ANK3: variants seen among roughly 807,000 people sequenced by gnomAD.
The protein encoded by ANK3 is ankyrin-3.
A neutral mutation model predicts 370.9 loss-of-function variants in ANK3; 57 were observed. The observed-to-expected ratio is 0.15, with a 90% CI of 0.12 to 0.19. The LOEUF is 0.19. Among genes scored for constraint, ANK3 ranks in the 10% least tolerant of loss-of-function variants. The probability of loss-of-function intolerance (pLI) is 1.00; values close to 1 mark genes in which losing one functional copy is unlikely to be tolerated. For missense variants in ANK3, 4,439 were observed against 5,302.1 expected (o/e 0.84, Z 5.06); for synonymous variants, 1,929 against 1,946.3 (o/e 0.99, Z 0.23).
At chr10:60,343,401 G>A (rs1364068749) in intron 1 of ANK3, among the ~76,000 whole-genome samples, 1 of 152,046 alleles carries the variant, frequency 6.6e-6, no homozygotes, top group Non-Finnish European at 1.5e-5. Context: ...TAAAGACTTA[G>A]GAATTTAAAG....
intron 1 of ANK3, among the ~76,000 whole-genome samples, chr10:60,328,330 T>A (rs1393933452): frequency 2.0e-5 from 3 of 152,236 alleles, no homozygotes; most frequent in African/African-American, 7.2e-5. Context: ...GAGTTAAAAG[T>A]GTTATTGCTA....
chr10:60,592,019 A>G (rs569694927), intron 2 of ANK3, among the ~76,000 whole-genome samples: 1 of 152,346 alleles, frequency 6.6e-6, no homozygotes, highest in Admixed American at 6.5e-5. Context: ...TGATAGCACA[A>G]CAGGGTGACT....
intron 8 of ANK3, among the ~76,000 whole-genome samples, chr10:60,226,446 T>C (rs2097145584): frequency 8.7e-6 from 1 of 114,308 alleles, no homozygotes; most frequent in African/African-American, 3.4e-5. Flanking sequence ...TATAACATAC[T>C]ATAAAATATA....
At chr10:60,079,454 T>C (rs1234929067) in intron 36 of ANK3, among the ~76,000 whole-genome samples, 1 of 152,144 alleles carries the variant, frequency 6.6e-6, no homozygotes, top group Non-Finnish European at 1.5e-5. Flanking sequence ...CTCAACTAAG[T>C]GGTGCAGTAG....
intron 25 of ANK3, among the ~76,000 whole-genome samples, chr10:60,121,631 C>T (rs1345728605): frequency 1.3e-5 from 2 of 149,368 alleles, no homozygotes; most frequent in Admixed American, 6.7e-5. Context: ...GTGGAGGTTG[C>T]AGTGAGCCAA....
At chr10:60,036,276 G>A (rs977205269) in intron 43 of ANK3, among the ~76,000 whole-genome samples, 64 of 152,066 alleles carry the variant, frequency 4.2e-4, no homozygotes, top group African/African-American at 1.5e-3. Context: ...GGCTGCTGCT[G>A]CTTAGTCCAC....
rs571255075 is a variant in ANK3, at chr10:60,617,929, CT to C, written c.58-2706del. On this transcript the variant is annotated intron_variant, in intron 1 of 43. Transcript: ENST00000373827. ...TAATAGTAAACACAGATATTCTAGT[CT>C]TTTAACTGATTAAAAGAGCAAAGCT... Among the ~76,000 whole-genome samples, 28 of 152,278 alleles carry C rather than the reference CT, an allele frequency of 1.8e-4. No homozygotes were observed. The South Asian group carries it at 5.2e-3, about 28-fold the overall frequency.
chr10:60,251,469 G>C (rs529042935), intron 7 of ANK3, among the ~76,000 whole-genome samples: 1 of 152,264 alleles, frequency 6.6e-6, no homozygotes, highest in Non-Finnish European at 1.5e-5. Context: ...GTGTGAGACT[G>C]ACCCATGCAT....
intron 1 of ANK3, among the ~76,000 whole-genome samples, chr10:60,652,866 A>G (rs182844322): frequency 1.1e-4 from 17 of 152,284 alleles, no homozygotes; most frequent in African/African-American, 4.1e-4. Flanking sequence ...TAGAGACCAG[A>G]TAGGAGGTGG....
At chr10:60,178,669 A>G (rs767583626) in intron 18 of ANK3, among the ~76,000 whole-genome samples, 2 of 152,218 alleles carry the variant, frequency 1.3e-5, no homozygotes, top group African/African-American at 2.4e-5. Flanking sequence ...GAAATAGGTA[A>G]GTATCACATA....
At chr10:60,100,069 A>G (rs1456409173) in intron 28 of ANK3, among the ~76,000 whole-genome samples, 1 of 151,990 alleles carries the variant, frequency 6.6e-6, no homozygotes, top group Admixed American at 6.6e-5. Context: ...ATTAATGCTT[A>G]TTTGCTTTGT....
chr10:60,208,336 C>A, intron 9 of ANK3, 103 bp from the exon 10 acceptor site: 1 of 961,082 alleles, frequency 1.0e-6, no homozygotes, highest in Non-Finnish European at 1.6e-6. Context: ...CAGTTCTTCA[C>A]ATGAAAATAC....
chr10:60,410,369 G>A (rs2063534897), intron 2 of ANK3, among the ~76,000 whole-genome samples: 1 of 152,162 alleles, frequency 6.6e-6, no homozygotes, highest in Non-Finnish European at 1.5e-5. Context: ...AGCTCCATGG[G>A]GGGAAGGGGC....
intron 1 of ANK3, among the ~76,000 whole-genome samples, chr10:60,386,032 G>A (rs764896846): frequency 3.0e-4 from 46 of 152,280 alleles, no homozygotes; most frequent in African/African-American, 9.9e-4. Context: ...AAGAGAGCAC[G>A]TGTGACTTCA....
chr10:60,389,201 C>T (rs1172862646), intron 1 of ANK3, among the ~76,000 whole-genome samples: 5 of 152,190 alleles, frequency 3.3e-5, no homozygotes, highest in South Asian at 4.2e-4. Flanking sequence ...GCACACTTTC[C>T]GCATAGCCCT....
At chr10:60,407,155 G>T (rs2063472714) in intron 2 of ANK3, among the ~76,000 whole-genome samples, 1 of 152,046 alleles carries the variant, frequency 6.6e-6, no homozygotes, top group Non-Finnish European at 1.5e-5. Context: ...CAAACAAATT[G>T]GTTAACCCCT....
intron 41 of ANK3, among the ~76,000 whole-genome samples, chr10:60,057,812 G>A (rs980970355): frequency 2.6e-5 from 4 of 152,130 alleles, no homozygotes; most frequent in Non-Finnish European, 5.9e-5. Flanking sequence ...TAAATTGTGT[G>A]ACTATATCTG....
At chr10:60,263,382 G>C (rs1426476550) in intron 6 of ANK3, among the ~76,000 whole-genome samples, 1 of 152,148 alleles carries the variant, frequency 6.6e-6, no homozygotes, top group African/African-American at 2.4e-5. Flanking sequence ...CAAGACGATG[G>C]GAATTTTTGG....
intron 1 of ANK3, among the ~76,000 whole-genome samples, chr10:60,629,793 A>G (rs1361240110): frequency 1.3e-5 from 2 of 152,186 alleles, no homozygotes; most frequent in African/African-American, 4.8e-5. Context: ...TCAATATAAT[A>G]ATAAATGTGA....
Sources: gnomAD v4.1 joint callset for allele counts (sites outside exome capture counted in the v4.1 genomes callset) on GRCh38, gnomAD v4.1.1 for gene constraint, MANE v1.5 for transcripts, NCBI Gene and HGNC (gene_info 2026-07-23, HGNC 2026-07-21) for gene names.